The following NAA35 variants were observed in gnomAD, a reference collection of about 807,000 sequenced individuals.
NAA35 encodes N-alpha-acetyltransferase 35, NatC auxiliary subunit.
Under a neutral mutation model 101.7 loss-of-function variants are expected in NAA35, and 18 were observed. The ratio of observed to expected loss-of-function variants is 0.18; its 90% CI spans 0.12 to 0.26. The LOEUF (loss-of-function observed/expected upper bound fraction) is 0.26. Among genes scored for constraint, NAA35 ranks in the 10% least tolerant of loss-of-function variants. The probability of loss-of-function intolerance (pLI) is 1.00; values close to 1 mark genes in which losing one functional copy is unlikely to be tolerated. For synonymous variants in NAA35, 267 were observed against 273.1 expected (o/e 0.98, Z 0.22); for missense variants, 601 against 886.8 (o/e 0.68, Z 4.09).
Position 85,977,458 on chromosome 9 carries a change from C to T in NAA35, c.762+12C>T. 6.4e-7 allele frequency: 1 copy of T among 1,552,436 alleles called. No individual in the cohort carries two copies. The highest frequency in any genetic ancestry group is 8.9e-7 in the Non-Finnish European group (1 of 1,125,734). ...TTACTAAGAAAGAGGTAAGGGCATT[C>T]AATATAATATGTCTATTTGTTTTAG... On this transcript the variant is annotated intron_variant, in intron 10 of 22. Coordinates refer to ENST00000361671, the MANE Select transcript of NAA35 (RefSeq NM_024635.4).
intron 2 of NAA35, among the ~76,000 whole-genome samples, chr9:85,954,954 G>C (rs1377847551): frequency 1.3e-5 from 2 of 152,134 alleles, no homozygotes; most frequent in Admixed American, 6.5e-5. Context: ...GTCTCCTTCT[G>C]TCACCCAGGT....
chr9:85,987,785 T>C lies in NAA35; in HGVS notation c.878-8614T>C, dbSNP rs143589707. 9.2e-5 allele frequency among the ~76,000 whole-genome samples: 14 copies of C among 152,314 alleles called. No homozygotes were observed. The East Asian group carries it at 2.7e-3, about 29-fold the overall frequency. ...AATGGGACCCAGGAGAGGGAGAACATTGAGAATGGATAGATTTTCTTAGTG... is the reference window on the plus strand; with the variant it reads ...AATGGGACCCAGGAGAGGGAGAACACTGAGAATGGATAGATTTTCTTAGTG... On this transcript the variant is annotated intron_variant, in intron 11 of 22. Transcript: ENST00000361671.
chr9:85,961,826 A>T (rs1829526596), intron 5 of NAA35, among the ~76,000 whole-genome samples, 187 bp from the exon 6 acceptor site: 1 of 152,154 alleles, frequency 6.6e-6, no homozygotes, highest in Admixed American at 6.5e-5. Flanking sequence ...GATGTACGAC[A>T]ATGATTCCCA....
Position 86,010,569 on chromosome 9 carries a change from ATTTT to A in NAA35, c.1290+658_1290+661del, listed in dbSNP as rs377654981. Reference sequence around the variant, plus strand: ...CTTTACTTTTTTTTTTAACCTTAGAATTTTTTTTTTTTTTTTTTTTTTTAAGACG... The same window carrying A: ...CTTTACTTTTTTTTTTAACCTTAGAATTTTTTTTTTTTTTTTTTTAAGACG... On this transcript the variant is annotated intron_variant, in intron 15 of 22. Transcript: ENST00000361671. 1.3e-3 allele frequency among the ~76,000 whole-genome samples: 160 copies of A among 118,674 alleles called. 4 individuals carry two copies. In the South Asian group the frequency reaches 0.036, roughly 26 times the overall value. 77.9% of individuals were successfully genotyped at this position (118,674 alleles called of 152,430 possible).
At chr9:85,991,069 G>C (rs1830884596) in intron 11 of NAA35, among the ~76,000 whole-genome samples, 1 of 152,170 alleles carries the variant, frequency 6.6e-6, no homozygotes, top group Non-Finnish European at 1.5e-5. Flanking sequence ...TGAGCTTGGG[G>C]TGCCTGAGCC....
At chr9:85,950,246 T>C (rs963996170) in intron 2 of NAA35, among the ~76,000 whole-genome samples, 13 of 152,166 alleles carry the variant, frequency 8.5e-5, no homozygotes, top group African/African-American at 2.4e-4. Context: ...ATATGATTTC[T>C]GAAGTTCTTT....
intron 2 of NAA35, among the ~76,000 whole-genome samples, chr9:85,942,733 T>C (rs937335514): frequency 6.6e-6 from 1 of 152,208 alleles, no homozygotes; most frequent in Non-Finnish European, 1.5e-5. Context: ...AGGTTTCATT[T>C]ATGTGCCACT....
rs1473368145 is a variant in NAA35, at chr9:86,007,456, T to G, written c.1215T>G (p.Leu405=). Residue 405 remains leucine (L), a synonymous_variant, in exon 14 of 23, where the codon CTT becomes CTG. Coordinates refer to ENST00000361671, the MANE Select transcript of NAA35 (RefSeq NM_024635.4). Reference sequence around the variant, plus strand: ...GGTCTTTTGTCAGTCCTCCGGTGCTTTCCCCCAAGTAAGTATTGTAAGACA... The same window carrying G: ...GGTCTTTTGTCAGTCCTCCGGTGCTGTCCCCCAAGTAAGTATTGTAAGACA... The part of the protein sequence containing the change: ...ALRSFVSPPV[L]SPKCYLYNNH... 2 of 1,612,566 alleles carry G rather than the reference T, an allele frequency of 1.2e-6. No homozygotes were observed. The highest frequency in any genetic ancestry group is 1.7e-6 in the Non-Finnish European group (2 of 1,178,870).
chr9:85,999,935 A>G (rs1430011707), intron 12 of NAA35, among the ~76,000 whole-genome samples: 1 of 152,226 alleles, frequency 6.6e-6, no homozygotes, highest in African/African-American at 2.4e-5. Context: ...TTTTATATCT[A>G]CATATAAACC....
Position 86,013,745 on chromosome 9 carries a change from C to T in NAA35, c.1416C>T (p.His472=), listed in dbSNP as rs1264973082. ...DEAEKVDAAL[H]TMLLKQEPQR... ...CAGAGAAGGTTGATGCAGCGCTTCA[C>T]ACCATGCTGTTGAAACAGGAACCCC... The change falls in exon 17 of 23, where the codon CAC becomes CAT. Residue 472 remains histidine, a synonymous_variant. Transcript: ENST00000361671. 2 of 1,614,100 alleles carry T rather than the reference C, an allele frequency of 1.2e-6. No homozygotes were observed. Among genetic ancestry groups the T allele is most frequent in the South Asian group, 1.1e-5 (1 of 91,076 alleles).
Position 85,996,591 on chromosome 9 carries a change from T to A in NAA35, c.1056+14T>A. ...CATTGTATCCTGGTAAGTACAAATC[T>A]CTGTTCCAGAATGTAACTTCCATTT... On this transcript the variant is annotated intron_variant, in intron 12 of 22. Coordinates refer to ENST00000361671, the MANE Select transcript of NAA35 (RefSeq NM_024635.4). 1.3e-6 allele frequency: 2 copies of A among 1,511,380 alleles called. No individual in the cohort carries two copies. Among genetic ancestry groups the A allele is most frequent in the Non-Finnish European group, 1.8e-6 (2 of 1,133,270 alleles). The allele number at this position is 1,511,380 out of a possible 1,614,324, so 93.6% of individuals were successfully genotyped here.
Position 86,022,089 on chromosome 9 carries a change from A to G in NAA35, c.*129A>G, listed in dbSNP as rs1832588082. On this transcript the variant is annotated 3_prime_UTR_variant, in exon 23 of 23. Coordinates refer to ENST00000361671, the MANE Select transcript of NAA35 (RefSeq NM_024635.4). Reference sequence around the variant, plus strand: ...CTTGGGTAACAACTCATTATAAGGAATACTTTTAGTTTGACAGCCTTATAT... The same window carrying G: ...CTTGGGTAACAACTCATTATAAGGAGTACTTTTAGTTTGACAGCCTTATAT... 1 of 676,096 alleles carries G rather than the reference A, an allele frequency of 1.5e-6. No individual in the cohort carries two copies. Among genetic ancestry groups the G allele is most frequent in the Non-Finnish European group, 2.5e-6 (1 of 401,716 alleles). The allele number at this position is 676,096 out of a possible 1,614,324, so 41.9% of individuals were successfully genotyped here.
intron 16 of NAA35, 122 bp from the exon 17 acceptor site, chr9:86,013,597 T>C: frequency 5.7e-6 from 5 of 875,324 alleles, no homozygotes; most frequent in African/African-American, 1.7e-5. Context: ...TAAAAATGTT[T>C]CTTTGGGTGG....
chr9:86,000,594 C>T (rs1831382277), intron 12 of NAA35, among the ~76,000 whole-genome samples: 1 of 151,552 alleles, frequency 6.6e-6, no homozygotes, highest in Non-Finnish European at 1.5e-5. Flanking sequence ...TTGGTCTGTT[C>T]AGGGAATCAG....
intron 12 of NAA35, among the ~76,000 whole-genome samples, chr9:86,001,630 C>T (rs933641160): frequency 6.6e-6 from 1 of 152,070 alleles, no homozygotes; most frequent in Non-Finnish European, 1.5e-5. Flanking sequence ...TAATACCCTT[C>T]CTTGTCTTAT....
chr9:86,011,920 C>CAT lies in NAA35; in HGVS notation c.1291-1122_1291-1121dup, dbSNP rs528382794. On this transcript the variant is annotated intron_variant, in intron 15 of 22. Coordinates refer to ENST00000361671, the MANE Select transcript of NAA35 (RefSeq NM_024635.4). Reference sequence around the variant, plus strand: ...ATATATATTAATATATATTATATATCATATAATATATACTATAATATATAA... The same window carrying CAT: ...ATATATATTAATATATATTATATATCATATATAATATATACTATAATATATAA... Among the ~76,000 whole-genome samples the CAT allele has an allele frequency of 1.4e-3, 183 of 134,842 alleles. 4 individuals are homozygous for CAT. In the South Asian group the frequency reaches 0.035, roughly 26 times the overall value. The allele number at this position is 134,842 out of a possible 152,430, so 88.5% of individuals were successfully genotyped here. A position where few individuals can be genotyped will look rare whatever the true frequency, so the allele number is the denominator to read the frequency against.
At position 86,024,022 on chromosome 9, in the gene NAA35, AT is replaced by A. The variant is rs1832678070; in HGVS notation, c.*2065del. ...AGCAGGTTTCTAATTATAAAAACAAATTTGCCATTTTATAATTTTTAAAGTA... is the reference window on the plus strand; with the variant it reads ...AGCAGGTTTCTAATTATAAAAACAAATTGCCATTTTATAATTTTTAAAGTA... On this transcript the variant is annotated 3_prime_UTR_variant, in exon 23 of 23. Coordinates refer to ENST00000361671, the MANE Select transcript of NAA35 (RefSeq NM_024635.4). 6.6e-6 allele frequency among the ~76,000 whole-genome samples: 1 copy of A among 152,232 alleles called. No homozygotes were observed. Among genetic ancestry groups the A allele is most frequent in the Non-Finnish European group, 1.5e-5 (1 of 68,032 alleles).
At chr9:86,018,562 G>C in intron 20 of NAA35, 137 bp from the exon 21 acceptor site, 1 of 1,319,130 alleles carries the variant, frequency 7.6e-7, no homozygotes, top group South Asian at 1.5e-5. Context: ...GGAAAAAATA[G>C]GGAGATGTGC....
intron 2 of NAA35, among the ~76,000 whole-genome samples, chr9:85,945,704 A>T (rs1241339130): frequency 6.6e-6 from 1 of 152,042 alleles, no homozygotes. Flanking sequence ...TATTTTTAGT[A>T]GAGACGGGGT....
Sources: allele counts gnomAD v4.1 joint callset (sites outside exome capture counted in the v4.1 genomes callset), GRCh38; gene constraint gnomAD v4.1.1; transcripts MANE v1.5; gene names NCBI Gene and HGNC (gene_info 2026-07-23, HGNC 2026-07-21).